NPIPB2: variants seen among roughly 807,000 people sequenced by gnomAD.
The protein encoded by NPIPB2 is nuclear pore complex interacting protein family member B2, also known as nuclear pore complex-interacting protein family member B2.
Under a neutral mutation model 30.8 loss-of-function variants are expected in NPIPB2, and 27 were observed. The observed-to-expected ratio is 0.88, with a 90% CI of 0.65 to 1.21. The LOEUF (loss-of-function observed/expected upper bound fraction) is 1.21. Ranked by LOEUF, NPIPB2 falls within the 50% of genes most tolerant of loss-of-function variation. NPIPB2 has a pLI of 0.00. For missense variants in NPIPB2, 440 were observed against 446.2 expected (o/e 0.99, Z 0.13); for synonymous variants, 147 against 162.0 (o/e 0.91, Z 0.70).
chr16:11,968,314 TA>T (rs2055212365), intron 1 of NPIPB2, among the ~76,000 whole-genome samples: 1 of 152,016 alleles, frequency 6.6e-6, no homozygotes. Flanking sequence ...CTGTCTTTAC[TA>T]AAAATACAAA....
chr16:11,965,237 G>A, intron 1 of NPIPB2: 1 of 1,548,814 alleles, frequency 6.5e-7, no homozygotes, highest in South Asian at 1.2e-5. Flanking sequence ...AGCTGCTCTT[G>A]CTGCATTTGC....
At chr16:11,961,243 A>G (rs1457710333) in intron 1 of NPIPB2, among the ~76,000 whole-genome samples, 3 of 151,988 alleles carry the variant, frequency 2.0e-5, no homozygotes, top group Non-Finnish European at 2.9e-5. Context: ...AAGGTCAGCA[A>G]TCTGGCAGAG....
At chr16:11,960,533 T>A (rs2055145787) in intron 1 of NPIPB2, among the ~76,000 whole-genome samples, 1 of 151,980 alleles carries the variant, frequency 6.6e-6, no homozygotes, top group Admixed American at 6.6e-5. Context: ...ATTTTTTGTA[T>A]TTTTGGTGGA....
At chr16:11,964,413 T>C (rs1043332789) in intron 1 of NPIPB2, among the ~76,000 whole-genome samples, 3 of 151,920 alleles carry the variant, frequency 2.0e-5, no homozygotes, top group Non-Finnish European at 4.4e-5. Flanking sequence ...GATCTTCCTG[T>C]AGAATTTTTT....
At chr16:11,956,253 C>G (rs1307168557) in intron 1 of NPIPB2, 1 of 152,178 alleles carries the variant, frequency 6.6e-6, no homozygotes, top group Non-Finnish European at 1.5e-5. Flanking sequence ...AGTGGGAGAA[C>G]CAAGCCTTGA....
At chr16:11,940,758 T>TTAA (rs2054927596) in intron 1 of NPIPB2, among the ~76,000 whole-genome samples, 2 of 47,156 alleles carry the variant, frequency 4.2e-5, no homozygotes, top group African/African-American at 7.8e-5. Context: ...AGACTCTGTC[T>TTAA]AAAAAAAAAA....
intron 1 of NPIPB2, among the ~76,000 whole-genome samples, chr16:11,969,842 A>G (rs2055224625): frequency 6.6e-6 from 1 of 152,104 alleles, no homozygotes; most frequent in African/African-American, 2.4e-5. Context: ...GACTGTTCTA[A>G]GTGCTTCACC....
chr16:11,973,963 T>A (rs2055251666), intron 1 of NPIPB2, among the ~76,000 whole-genome samples: 1 of 152,212 alleles, frequency 6.6e-6, no homozygotes, highest in Admixed American at 6.5e-5. Context: ...GGAATTTGAA[T>A]GATTCTGAGA....
rs549898952 is a variant in NPIPB2, at chr16:11,933,957, G to A, written c.193-33C>T. 4.0e-6 allele frequency: 6 copies of A among 1,494,342 alleles called. No individual in the cohort carries two copies. The East Asian group carries it at 1.4e-4, about 34-fold the overall frequency. The allele number at this position is 1,494,342 out of a possible 1,614,324, so 92.6% of individuals were successfully genotyped here. A position where few individuals can be genotyped will look rare whatever the true frequency, so the allele number is the denominator to read the frequency against. ...ATAATAATATAAGAATGACGGCTGG[G>A]CACGGTGGTTCATGCGTATAATCCC... On this transcript the variant is annotated intron_variant, in intron 2 of 7. Coordinates refer to ENST00000399147, the Ensembl canonical transcript of NPIPB2.
At chr16:11,974,233 G>A (rs2055253508) in intron 1 of NPIPB2, among the ~76,000 whole-genome samples, 1 of 152,092 alleles carries the variant, frequency 6.6e-6, no homozygotes, top group South Asian at 2.1e-4. Context: ...AGAGAATGCT[G>A]CAGACTGGGG....
At position 11,959,375 on chromosome 16, in the gene NPIPB2, A is replaced by G. The variant is rs947487578; in HGVS notation, c.-584+17193T>C. ...AGTGGGAGAATAGCTTGAGGCCAGG[A>G]ATTCAAGACTTGTCTGGGCAGCAGA... is the stretch of plus-strand genomic sequence containing the variant. On this transcript the variant is annotated intron_variant, in intron 1 of 5. Transcript: ENST00000538896. Among the ~76,000 whole-genome samples the G allele has an allele frequency of 3.9e-5, 6 of 152,158 alleles. No individual in the cohort carries two copies. In the South Asian group the frequency reaches 1.2e-3, roughly 32 times the overall value.
intron 1 of NPIPB2, chr16:11,965,230 T>C: frequency 6.6e-7 from 1 of 1,525,292 alleles, no homozygotes. Flanking sequence ...ACATTCTAGC[T>C]GCTCTTGCTG....
chr16:11,938,282 C>G (rs1474045903), intron 1 of NPIPB2, among the ~76,000 whole-genome samples: 1 of 152,170 alleles, frequency 6.6e-6, no homozygotes, highest in Non-Finnish European at 1.5e-5. Context: ...TCCCAAAGTG[C>G]TGGGATTACA....
At chr16:11,971,482 A>C (rs904967740) in intron 1 of NPIPB2, among the ~76,000 whole-genome samples, 3 of 151,394 alleles carry the variant, frequency 2.0e-5, no homozygotes, top group Non-Finnish European at 4.4e-5. Context: ...TCATAGGTAG[A>C]TTCAGAGATT....
chr16:11,941,532 G>A (rs2054940279), intron 1 of NPIPB2, among the ~76,000 whole-genome samples: 1 of 151,710 alleles, frequency 6.6e-6, no homozygotes, highest in East Asian at 1.9e-4. Context: ...TTAGCTACAG[G>A]TCACGGAGAA....
At chr16:11,968,496 A>G (rs966595108) in intron 1 of NPIPB2, 1 of 152,130 alleles carries the variant, frequency 6.6e-6, no homozygotes, top group Non-Finnish European at 1.5e-5. Flanking sequence ...CAACACAAAC[A>G]AACAAAAAGA....
exon 8 of NPIPB2, chr16:11,927,498 C>T (rs1170166523): frequency 6.7e-6 from 10 of 1,494,536 alleles, no homozygotes; most frequent in Non-Finnish European, 8.2e-6. Flanking sequence ...ACCTCAGCGG[C>T]CCTCCGCCTC....
intron 4 of NPIPB2, 141 bp downstream of exon 4, chr16:11,933,376 G>A: frequency 3.1e-6 from 4 of 1,310,056 alleles, no homozygotes; most frequent in Admixed American, 4.7e-5. Flanking sequence ...TTAAACTAAT[G>A]AAGCAGAAAG....
At chr16:11,960,006 C>G (rs1383430286) in intron 1 of NPIPB2, among the ~76,000 whole-genome samples, 3 of 152,206 alleles carry the variant, frequency 2.0e-5, no homozygotes, top group Non-Finnish European at 4.4e-5. Context: ...AACTACTGGG[C>G]TCAAGTGATC....
Sources: gnomAD v4.1 joint callset for allele counts (sites outside exome capture counted in the v4.1 genomes callset) on GRCh38, gnomAD v4.1.1 for gene constraint, MANE v1.5 for transcripts, NCBI Gene and HGNC (gene_info 2026-07-23, HGNC 2026-07-21) for gene names.